Variants in R3HCC1L observed in about 807,000 individuals in gnomAD.
R3HCC1L encodes the protein R3H domain and coiled-coil containing 1 like.
A neutral mutation model predicts 59.9 loss-of-function variants in R3HCC1L; 51 were observed. That is an observed-to-expected ratio of 0.85 (90% CI 0.68 to 1.07). The LOEUF (loss-of-function observed/expected upper bound fraction) is 1.07, where lower values mean the gene tolerates loss of function less well. R3HCC1L is among the 50% of genes least tolerant of loss of function. The probability of loss-of-function intolerance (pLI) is 0.00; values close to 1 mark genes in which losing one functional copy is unlikely to be tolerated. For missense variants in R3HCC1L, 965 were observed against 933.0 expected (o/e 1.03, Z -0.45); for synonymous variants, 322 against 315.2 (o/e 1.02, Z -0.23).
At chr10:98,202,666 A>G (rs1852185436) in intron 4 of R3HCC1L, among the ~76,000 whole-genome samples, 1 of 152,156 alleles carries the variant, frequency 6.6e-6, no homozygotes, top group African/African-American at 2.4e-5. Flanking sequence ...AGCCTGGCCA[A>G]TATGGTGAAA....
chr10:98,139,337 C>T (rs1341811510), intron 1 of R3HCC1L, among the ~76,000 whole-genome samples: 2 of 152,170 alleles, frequency 1.3e-5, no homozygotes, highest in African/African-American at 2.4e-5. Context: ...GTATAAAACT[C>T]GTGACCTGTA....
chr10:98,187,095 G>A (rs1038148972), intron 4 of R3HCC1L, among the ~76,000 whole-genome samples: 1 of 152,096 alleles, frequency 6.6e-6, no homozygotes, highest in African/African-American at 2.4e-5. Flanking sequence ...GACTTATTTG[G>A]TAGGGTACAA....
intron 4 of R3HCC1L, among the ~76,000 whole-genome samples, chr10:98,185,469 C>G (rs955731018): frequency 1.3e-5 from 2 of 152,100 alleles, no homozygotes; most frequent in Non-Finnish European, 2.9e-5. Context: ...AGAGAAAGAA[C>G]TGTGATGCAG....
At chr10:98,186,411 C>G (rs911292181) in intron 4 of R3HCC1L, 1 of 669,414 alleles carries the variant, frequency 1.5e-6, no homozygotes, top group Non-Finnish European at 1.8e-6. Context: ...AATAGCTGTT[C>G]CATGTAGAGA....
chr10:98,199,894 G>A (rs1417898353), intron 4 of R3HCC1L, among the ~76,000 whole-genome samples: 1 of 152,014 alleles, frequency 6.6e-6, no homozygotes, highest in East Asian at 1.9e-4. Flanking sequence ...AATTTTTCCA[G>A]TAGAATTGTA....
At chr10:98,169,714 A>G (rs1848329909) in intron 4 of R3HCC1L, among the ~76,000 whole-genome samples, 1 of 152,238 alleles carries the variant, frequency 6.6e-6, no homozygotes, top group Non-Finnish European at 1.5e-5. Context: ...AAAATGAAAG[A>G]TAAGAATCTT....
chr10:98,222,574 G>A (rs1042869739), intron 5 of R3HCC1L, among the ~76,000 whole-genome samples: 35 of 152,068 alleles, frequency 2.3e-4, no homozygotes, highest in Non-Finnish European at 4.4e-5. Context: ...AATTTATTGG[G>A]AGTTTTTAGC....
chr10:98,159,872 C>G (rs1847232827), intron 2 of R3HCC1L, among the ~76,000 whole-genome samples: 1 of 152,108 alleles, frequency 6.6e-6, no homozygotes, highest in Admixed American at 6.5e-5. Flanking sequence ...TCTAGATGTC[C>G]TGGTTGCAAC....
chr10:98,199,423 C>T (rs528615331), intron 4 of R3HCC1L, among the ~76,000 whole-genome samples: 2 of 151,808 alleles, frequency 1.3e-5, no homozygotes, highest in South Asian at 4.1e-4. Flanking sequence ...AAAACAATAG[C>T]GTATCTTTAA....
intron 1 of R3HCC1L, among the ~76,000 whole-genome samples, chr10:98,147,559 T>C (rs995107618): frequency 1.3e-5 from 2 of 152,184 alleles, no homozygotes; most frequent in Non-Finnish European, 2.9e-5. Context: ...CATGTAAGTC[T>C]TTAATCCATT....
chr10:98,236,036 C>G lies in R3HCC1L; in HGVS notation c.2141C>G (p.Pro714Arg). 6.2e-7 allele frequency: 1 copy of G among 1,613,568 alleles called. No homozygotes were observed. The highest frequency in any genetic ancestry group is 8.5e-7 in the Non-Finnish European group (1 of 1,179,636). ...TTCTTCGATTCAGAGTTCCTCCAGC[C>G]AGCAAAGGAGCGTCCTGAGACTTCA... ...KARAYAEFLQ[P>R]AKERPETSAA... Residue 714 changes from proline (P) to arginine (R), a missense_variant, in exon 9 of 10, where the codon CCA (proline) becomes CGA (arginine). Physicochemically the swap from Pro to Arg is moderately radical, Grantham distance 103. Coordinates refer to ENST00000298999, the MANE Select transcript of R3HCC1L (RefSeq NM_001351015.2).
chr10:98,139,327 G>A lies in R3HCC1L; in HGVS notation c.-268+4621G>A, dbSNP rs1384459313. Among the ~76,000 whole-genome samples, 4 of 152,314 alleles carry A rather than the reference G, an allele frequency of 2.6e-5. No individual in the cohort carries two copies. In the South Asian group the frequency reaches 6.2e-4, roughly 24 times the overall value. ...AATATATGATTAGCCGTCACACTAT[G>A]TATAAAACTCGTGACCTGTAGGATG... On this transcript the variant is annotated intron_variant, in intron 1 of 9. Coordinates refer to ENST00000298999, the MANE Select transcript of R3HCC1L (RefSeq NM_001351015.2).
At chr10:98,227,257 C>T (rs991844865) in intron 5 of R3HCC1L, among the ~76,000 whole-genome samples, 3 of 152,144 alleles carry the variant, frequency 2.0e-5, no homozygotes, top group Admixed American at 6.6e-5. Flanking sequence ...CCATGTTTTA[C>T]ATGTAAAACT....
intron 4 of R3HCC1L, among the ~76,000 whole-genome samples, chr10:98,185,350 C>A (rs116384402): frequency 7.9e-5 from 12 of 152,018 alleles, no homozygotes; most frequent in Non-Finnish European, 1.6e-4. Flanking sequence ...TGGGGAAGAC[C>A]GGATAATTAA....
At chr10:98,169,902 T>C (rs1033833165) in intron 4 of R3HCC1L, among the ~76,000 whole-genome samples, 2 of 151,610 alleles carry the variant, frequency 1.3e-5, no homozygotes, top group Middle Eastern at 3.4e-3. Flanking sequence ...TTTTTTTTTT[T>C]TGGAGTGAGT....
At chr10:98,193,074 A>G (rs1030381947) in intron 4 of R3HCC1L, among the ~76,000 whole-genome samples, 3 of 147,966 alleles carry the variant, frequency 2.0e-5, no homozygotes, top group Admixed American at 7.0e-5. Flanking sequence ...ACAAAACATA[A>G]TACCTTTTTA....
intron 1 of R3HCC1L, among the ~76,000 whole-genome samples, chr10:98,153,233 T>A (rs553997246): frequency 4.6e-5 from 7 of 152,272 alleles, no homozygotes; most frequent in Non-Finnish European, 8.8e-5. Context: ...TAGAAAGAAG[T>A]AGACATGGGA....
intron 4 of R3HCC1L, among the ~76,000 whole-genome samples, chr10:98,184,970 T>C (rs995271769): frequency 1.1e-4 from 17 of 152,216 alleles, no homozygotes; most frequent in African/African-American, 3.9e-4. Context: ...TTTAGATCAA[T>C]TACTTAGATT....
chr10:98,190,517 T>C (rs972242727), intron 4 of R3HCC1L, among the ~76,000 whole-genome samples: 2 of 152,200 alleles, frequency 1.3e-5, no homozygotes, highest in East Asian at 1.9e-4. Flanking sequence ...TTCAAAACTT[T>C]TATTCAAGTG....
Sources: allele counts gnomAD v4.1 joint callset (sites outside exome capture counted in the v4.1 genomes callset), GRCh38; gene constraint gnomAD v4.1.1; transcripts MANE v1.5; gene names NCBI Gene and HGNC (gene_info 2026-07-23, HGNC 2026-07-21).